SLC33A1: variants seen among roughly 807,000 people sequenced by gnomAD.
The protein encoded by SLC33A1 is acetyl-coenzyme A transporter 1.
A neutral mutation model predicts 50.0 loss-of-function variants in SLC33A1; 20 were observed. That is an observed-to-expected ratio of 0.40 (90% CI 0.28 to 0.58). SLC33A1 has a LOEUF of 0.58. Among genes scored for constraint, SLC33A1 ranks in the 20% least tolerant of loss-of-function variants. The probability of loss-of-function intolerance (pLI) is 0.44; values close to 1 mark genes in which losing one functional copy is unlikely to be tolerated. For missense variants in SLC33A1, 476 were observed against 657.0 expected (o/e 0.72, Z 3.01); for synonymous variants, 265 against 251.8 (o/e 1.05, Z -0.50).
intron 1 of SLC33A1, among the ~76,000 whole-genome samples, chr3:155,849,492 A>C (rs1753311591): frequency 6.6e-6 from 1 of 152,142 alleles, no homozygotes; most frequent in Admixed American, 6.6e-5. Flanking sequence ...AAAATGTTTG[A>C]ACCAGAAACA....
At chr3:155,833,339 T>C (rs1454030318) in intron 4 of SLC33A1, 129 bp downstream of exon 4, 2 of 746,662 alleles carry the variant, frequency 2.7e-6, no homozygotes, top group East Asian at 4.9e-5. Flanking sequence ...AAGCGCACCA[T>C]CAATAATTTC....
rs1366055990 is a variant in SLC33A1, at chr3:155,824,896, T to G, written c.*3314A>C. 5 of 152,116 alleles carry G rather than the reference T, an allele frequency of 3.3e-5. No individual in the cohort carries two copies. The highest frequency in any genetic ancestry group is 7.4e-5 in the Non-Finnish European group (5 of 68,010). The allele number at this position is 152,116 out of a possible 1,614,324, so 9.4% of individuals were successfully genotyped here. On this transcript the variant is annotated 3_prime_UTR_variant, in exon 6 of 6. Coordinates refer to ENST00000643144, the MANE Select transcript of SLC33A1 (RefSeq NM_004733.4). ...ATTTTTAAAAAATTGAGAAATCTAT[T>G]TAAGGTGTTGAATAAACTTTTTATG... is the stretch of plus-strand genomic sequence containing the variant.
intron 1 of SLC33A1, among the ~76,000 whole-genome samples, chr3:155,844,457 ATTTTTTTTTTTTTTTT>A (rs869180951): frequency 9.2e-4 from 31 of 33,544 alleles, no homozygotes; most frequent in African/African-American, 2.7e-3. Context: ...ATATATATAT[ATTTTTTTTTTTTTTTT>A]TTTTTTTTTT....
chr3:155,836,618 C>A (rs1017720444), intron 2 of SLC33A1, among the ~76,000 whole-genome samples: 1 of 152,156 alleles, frequency 6.6e-6, no homozygotes, highest in Admixed American at 6.6e-5. Flanking sequence ...AAAGTTTGGT[C>A]TGGCACAGTG....
Position 155,848,416 on chromosome 3 carries a change from C to T in SLC33A1, c.775+4807G>A, listed in dbSNP as rs188843173. Among the ~76,000 whole-genome samples the T allele has an allele frequency of 3.8e-4, 58 of 152,306 alleles. 1 individual carries two copies. The highest frequency in any genetic ancestry group is 3.7e-3 in the South Asian group (18 of 4,824). On this transcript the variant is annotated intron_variant, in intron 1 of 5. Transcript: ENST00000643144. ...CTAGCAATCTTGCCGGGCATGGTGG[C>T]TCCCACCTGTAATCCAAGCACTTTG...
intron 1 of SLC33A1, among the ~76,000 whole-genome samples, chr3:155,843,493 T>G (rs1333573188): frequency 1.3e-5 from 2 of 152,118 alleles, no homozygotes; most frequent in Non-Finnish European, 2.9e-5. Flanking sequence ...GTTGTTTCAG[T>G]GAAAGATAGT....
At chr3:155,847,553 T>A (rs1753220380) in intron 1 of SLC33A1, among the ~76,000 whole-genome samples, 1 of 152,042 alleles carries the variant, frequency 6.6e-6, no homozygotes, top group South Asian at 2.1e-4. Flanking sequence ...GAGACCAGCC[T>A]GACCAACATG....
At chr3:155,830,872 C>G (rs1752399085) in intron 4 of SLC33A1, among the ~76,000 whole-genome samples, 1 of 152,134 alleles carries the variant, frequency 6.6e-6, no homozygotes, top group African/African-American at 2.4e-5. Context: ...GCAAAAAGTA[C>G]TTAAAAGGCA....
Position 155,833,671 on chromosome 3 carries a change from T to C in SLC33A1, c.1149-86A>G, listed in dbSNP as rs1024534145. The C allele has an allele frequency of 1.0e-5, 10 of 970,912 alleles. 1 individual carries two copies. In the Admixed American group the frequency reaches 1.2e-4, roughly 12 times the overall value. The allele number at this position is 970,912 out of a possible 1,614,324, so 60.1% of individuals were successfully genotyped here. A position where few individuals can be genotyped will look rare whatever the true frequency, so the allele number is the denominator to read the frequency against. ...AACAGAAATCCGTGTGCCTACCATA[T>C]GAAAGAAGCTGTATCTAAACCTGTT... On this transcript the variant is annotated intron_variant, in intron 3 of 5. Transcript: ENST00000643144.
intron 3 of SLC33A1, 23 bp from the exon 4 acceptor site, chr3:155,833,608 T>C: frequency 1.5e-6 from 2 of 1,336,362 alleles, no homozygotes; most frequent in Non-Finnish European, 2.2e-6. Flanking sequence ...AAACATTGAG[T>C]TGACTTCCAT....
Position 155,823,143 on chromosome 3 carries a change from T to C in SLC33A1, c.*5067A>G, listed in dbSNP as rs933889810. On this transcript the variant is annotated 3_prime_UTR_variant, in exon 6 of 6. Transcript: ENST00000643144. The stretch of plus-strand genomic sequence containing the variant: ...TTTTATTCACTTAAGCAGGAGGGAA[T>C]GAGTTCAGCACATTAATTAGTCTGC... 1 of 152,244 alleles carries C rather than the reference T, an allele frequency of 6.6e-6. No homozygotes were observed. Among genetic ancestry groups the C allele is most frequent in the African/African-American group, 2.4e-5 (1 of 41,464 alleles). The allele number at this position is 152,244 out of a possible 1,614,324, so 9.4% of individuals were successfully genotyped here.
chr3:155,827,709 A>C lies in SLC33A1; in HGVS notation c.*501T>G, dbSNP rs1211270482. On this transcript the variant is annotated 3_prime_UTR_variant, in exon 6 of 6. Coordinates refer to ENST00000643144, the MANE Select transcript of SLC33A1 (RefSeq NM_004733.4). Reference sequence around the variant, plus strand: ...TTTCAGTAGTCTATATTCTTTTCTCAGCAAATTCCACATAAAATTTAACTA... The same window carrying C: ...TTTCAGTAGTCTATATTCTTTTCTCCGCAAATTCCACATAAAATTTAACTA... The C allele has an allele frequency of 6.5e-6, 1 of 154,326 alleles. No homozygotes were observed. The highest frequency in any genetic ancestry group is 2.4e-5 in the African/African-American group (1 of 41,468). 9.6% of individuals were successfully genotyped at this position (154,326 alleles called of 1,614,324 possible).
chr3:155,829,616 T>A (rs1396878851), intron 5 of SLC33A1, 72 bp downstream of exon 5: 1 of 1,093,364 alleles, frequency 9.1e-7, no homozygotes, highest in Non-Finnish European at 1.4e-6. Flanking sequence ...GATATAGTAC[T>A]TCTAGAGACA....
Position 155,823,028 on chromosome 3 carries a change from CT to C in SLC33A1, c.*5181del, listed in dbSNP as rs1222056302. ...AGACTTTTCATTTACTATATAAAGT[CT>C]TTTTCTCCTACAAAATATCCATTCT... On this transcript the variant is annotated 3_prime_UTR_variant, in exon 6 of 6. Transcript: ENST00000643144. 6.6e-6 allele frequency: 1 copy of C among 152,154 alleles called. No individual in the cohort carries two copies. The highest frequency in any genetic ancestry group is 1.9e-4 in the East Asian group (1 of 5,200). The allele number at this position is 152,154 out of a possible 1,614,324, so 9.4% of individuals were successfully genotyped here.
rs1752099062 is a variant in SLC33A1 at position 155,821,839 on chromosome 3, C to T, written c.*6371G>A. 1 of 149,496 alleles carries T rather than the reference C, an allele frequency of 6.7e-6. No homozygotes were observed. The allele number at this position is 149,496 out of a possible 1,614,324, so 9.3% of individuals were successfully genotyped here. On this transcript the variant is annotated 3_prime_UTR_variant, in exon 6 of 6. Transcript: ENST00000643144. ...CCAGGCTGGAGAATAGTAGCACAAT[C>T]TCGGCTCACTGCAACATCCCTCTCT...
At chr3:155,828,405 T>G (rs1325683708) in intron 5 of SLC33A1, 28 bp from the exon 6 acceptor site, 4 of 1,384,920 alleles carry the variant, frequency 2.9e-6, no homozygotes, top group Admixed American at 3.4e-5. Flanking sequence ...TAATAAATAC[T>G]CCACAATTTC....
At chr3:155,842,091 TACA>T (rs2107979639) in intron 2 of SLC33A1, among the ~76,000 whole-genome samples, 1 of 152,294 alleles carries the variant, frequency 6.6e-6, no homozygotes, top group South Asian at 2.1e-4. Flanking sequence ...ATTGTATTAC[TACA>T]ACATTAAATG....
chr3:155,853,262 G>A lies in SLC33A1; in HGVS notation c.736C>T (p.Arg246Trp), dbSNP rs1753484643. The change falls in exon 1 of 6, where the codon CGG (arginine) becomes TGG (tryptophan). Residue 246 changes from arginine (R) to tryptophan (W), a missense_variant. Coordinates refer to ENST00000643144, the MANE Select transcript of SLC33A1 (RefSeq NM_004733.4). Reference protein sequence around the residue: ...ESADFCNKYLRFQPQPRGIVT... With the variant: ...ESADFCNKYLWFQPQPRGIVT... ...ATTCCTCTGGGTTGAGGCTGAAACC[G>A]CAAATATTTGTTACAAAAGTCGGCA... 2 of 1,613,768 alleles carry A rather than the reference G, an allele frequency of 1.2e-6. No individual in the cohort carries two copies. Among genetic ancestry groups the A allele is most frequent in the African/African-American group, 1.3e-5 (1 of 74,890 alleles).
chr3:155,850,481 T>C (rs1269973948), intron 1 of SLC33A1, among the ~76,000 whole-genome samples: 2 of 136,344 alleles, frequency 1.5e-5, no homozygotes, highest in Non-Finnish European at 2.9e-5. Context: ...TTTCTCTTAA[T>C]GTAAGAGTGA....
Sources: allele counts gnomAD v4.1 joint callset (sites outside exome capture counted in the v4.1 genomes callset), GRCh38; gene constraint gnomAD v4.1.1; transcripts MANE v1.5; gene names NCBI Gene and HGNC (gene_info 2026-07-23, HGNC 2026-07-21).